The following GABRG3 variants were observed in gnomAD, a reference collection of about 807,000 sequenced individuals.
GABRG3 encodes the protein gamma-aminobutyric acid receptor subunit gamma-3.
GABRG3 carries 25 observed loss-of-function variants against 48.8 expected under a neutral mutation model. The observed-to-expected ratio is 0.51, with a 90% CI of 0.37 to 0.72. The LOEUF is 0.72. Among genes scored for constraint, GABRG3 ranks in the 30% least tolerant of loss-of-function variants. GABRG3 has a pLI of 0.00. For missense variants in GABRG3, 394 were observed against 577.9 expected, an observed-to-expected ratio of 0.68 and a Z score of 3.26; for synonymous variants, 227 against 217.6, an observed-to-expected ratio of 1.04 and a Z score of -0.38.
intron 3 of GABRG3, among the ~76,000 whole-genome samples, chr15:27,118,716 A>G (rs1386963873): frequency 6.6e-6 from 1 of 152,218 alleles, no homozygotes; most frequent in Non-Finnish European, 1.5e-5. Context: ...TAATGAGGAT[A>G]TGAAATTTAA....
At chr15:27,206,745 G>A (rs1210629707) in intron 3 of GABRG3, among the ~76,000 whole-genome samples, 2 of 152,160 alleles carry the variant, frequency 1.3e-5, no homozygotes, top group Admixed American at 6.5e-5. Flanking sequence ...AGTGTCGGGT[G>A]CATATATATT....
chr15:27,380,287 T>TTGTC (rs1464025739), intron 5 of GABRG3, among the ~76,000 whole-genome samples: 1 of 151,686 alleles, frequency 6.6e-6, no homozygotes, highest in Non-Finnish European at 1.5e-5. Context: ...TTTTTACATG[T>TTGTC]TGTCCACTTT....
chr15:27,261,888 T>C (rs7402129), intron 3 of GABRG3, among the ~76,000 whole-genome samples: 104,341 of 150,146 alleles, frequency 0.69, 36,459 homozygotes, highest in African/African-American at 0.77. Flanking sequence ...ATGTTTCTTC[T>C]GTTATTTTCC....
intron 6 of GABRG3, among the ~76,000 whole-genome samples, chr15:27,482,603 A>G (rs1890127036): frequency 6.6e-6 from 1 of 152,144 alleles, no homozygotes; most frequent in Non-Finnish European, 1.5e-5. Flanking sequence ...ACTCAACATT[A>G]TGACTATGGC....
rs1453640503 is a variant in GABRG3 at position 27,539,597 on chromosome 15, A to G, written c.*6716A>G. 6.6e-6 allele frequency: 1 copy of G among 152,196 alleles called. No homozygotes were observed. The highest frequency in any genetic ancestry group is 1.5e-5 in the Non-Finnish European group (1 of 68,038). 9.4% of individuals were successfully genotyped at this position (152,196 alleles called of 1,614,324 possible). A position where few individuals can be genotyped will look rare whatever the true frequency, so the allele number is the denominator to read the frequency against. ...AACAGGTTTTTATAAAATATTGTTTATATTTGTAACAGGAAGGATTTTCAA... is the reference window on the plus strand; with the variant it reads ...AACAGGTTTTTATAAAATATTGTTTGTATTTGTAACAGGAAGGATTTTCAA... On this transcript the variant is annotated 3_prime_UTR_variant, in exon 10 of 10. Coordinates refer to ENST00000615808, the MANE Select transcript of GABRG3 (RefSeq NM_033223.5).
intron 3 of GABRG3, among the ~76,000 whole-genome samples, chr15:27,077,778 G>A (rs181961959): frequency 6.6e-6 from 1 of 152,184 alleles, no homozygotes; most frequent in Non-Finnish European, 1.5e-5. Context: ...TGAAAGGAAG[G>A]ACTTTTTTTC....
intron 3 of GABRG3, among the ~76,000 whole-genome samples, chr15:27,220,975 G>T (rs989176575): frequency 1.3e-5 from 2 of 151,184 alleles, no homozygotes; most frequent in Admixed American, 1.3e-4. Context: ...TCCATTGGAT[G>T]AACCTGGAAT....
intron 3 of GABRG3, among the ~76,000 whole-genome samples, chr15:27,235,349 A>G (rs1162060857): frequency 1.3e-5 from 2 of 152,218 alleles, no homozygotes; most frequent in Non-Finnish European, 2.9e-5. Context: ...GCCACAGCCC[A>G]GCAAATCCTC....
intron 3 of GABRG3, among the ~76,000 whole-genome samples, chr15:27,172,137 A>G (rs1431230657): frequency 6.6e-6 from 1 of 152,226 alleles, no homozygotes; most frequent in African/African-American, 2.4e-5. Flanking sequence ...AATGGGAGTT[A>G]AATTTCAACA....
intron 3 of GABRG3, among the ~76,000 whole-genome samples, chr15:27,093,698 C>G (rs1566933561): frequency 6.6e-6 from 1 of 152,032 alleles, no homozygotes; most frequent in African/African-American, 2.4e-5. Flanking sequence ...TATTTGGGCA[C>G]TCAAGATAGA....
At chr15:27,165,572 T>A (rs894493406) in intron 3 of GABRG3, among the ~76,000 whole-genome samples, 2 of 152,082 alleles carry the variant, frequency 1.3e-5, no homozygotes, top group Non-Finnish European at 2.9e-5. Flanking sequence ...CTGCCTTTCC[T>A]CTTCAATCTC....
At chr15:27,201,590 C>A (rs971052822) in intron 3 of GABRG3, among the ~76,000 whole-genome samples, 1 of 137,744 alleles carries the variant, frequency 7.3e-6, no homozygotes, top group African/African-American at 3.3e-5. Context: ...ACCTTGAGAG[C>A]TGGATTAGTC....
intron 5 of GABRG3, among the ~76,000 whole-genome samples, chr15:27,461,774 G>A (rs1164890067): frequency 2.0e-5 from 3 of 152,074 alleles, no homozygotes; most frequent in Non-Finnish European, 4.4e-5. Flanking sequence ...CCAAGTCCCC[G>A]CCAGACCCAT....
intron 2 of GABRG3, among the ~76,000 whole-genome samples, chr15:27,005,351 C>T (rs569788993): frequency 2.0e-5 from 3 of 152,080 alleles, no homozygotes; most frequent in Non-Finnish European, 4.4e-5. Flanking sequence ...CAGGAGCAGG[C>T]CACCACGCCC....
intron 2 of GABRG3, among the ~76,000 whole-genome samples, chr15:27,004,755 TAAAC>T (rs1013052521): frequency 2.7e-4 from 41 of 152,372 alleles, no homozygotes; most frequent in Non-Finnish European, 3.1e-4. Flanking sequence ...TTCATTATGA[TAAAC>T]AACACCAATG....
chr15:27,241,159 GT>G (rs1890117486), intron 3 of GABRG3, among the ~76,000 whole-genome samples: 2 of 152,166 alleles, frequency 1.3e-5, no homozygotes, highest in Admixed American at 6.5e-5. Context: ...TATGAATTAT[GT>G]CTTCTAAAGT....
intron 3 of GABRG3, among the ~76,000 whole-genome samples, chr15:27,068,359 C>A (rs892752789): frequency 2.1e-4 from 32 of 152,170 alleles, no homozygotes; most frequent in African/African-American, 7.7e-4. Flanking sequence ...ATCCACACTG[C>A]AGGAGCAGAG....
rs1891643501 is a variant in GABRG3 at position 27,540,610 on chromosome 15, G to C, written c.*7729G>C. The C allele has an allele frequency of 6.6e-6, 1 of 152,198 alleles. No homozygotes were observed. The highest frequency in any genetic ancestry group is 2.1e-4 in the South Asian group (1 of 4,832). The allele number at this position is 152,198 out of a possible 1,614,324, so 9.4% of individuals were successfully genotyped here. A position where few individuals can be genotyped will look rare whatever the true frequency, so the allele number is the denominator to read the frequency against. On this transcript the variant is annotated 3_prime_UTR_variant, in exon 10 of 10. Coordinates refer to ENST00000615808, the MANE Select transcript of GABRG3 (RefSeq NM_033223.5). ...ACACTGTCCATCATTCTTGACATTT[G>C]ATATGTCTAATTTTGTGCTAGTGAA...
At chr15:27,475,064 A>T (rs1013638893) in intron 5 of GABRG3, among the ~76,000 whole-genome samples, 1 of 152,100 alleles carries the variant, frequency 6.6e-6, no homozygotes, top group Non-Finnish European at 1.5e-5. Context: ...TGGAAGGTGG[A>T]GGTTGCAGTG....
Sources: allele counts gnomAD v4.1 joint callset (sites outside exome capture counted in the v4.1 genomes callset), GRCh38; gene constraint gnomAD v4.1.1; transcripts MANE v1.5; gene names NCBI Gene and HGNC (gene_info 2026-07-23, HGNC 2026-07-21).